Variants in CTTN observed in about 807,000 individuals in gnomAD.
CTTN encodes the protein src substrate cortactin.
Under a neutral mutation model 84.0 loss-of-function variants are expected in CTTN, and 28 were observed. The observed-to-expected ratio is 0.33, with a 90% CI of 0.25 to 0.46. CTTN has a LOEUF of 0.46. CTTN is among the 20% of genes least tolerant of loss of function. The probability of loss-of-function intolerance (pLI) is 1.00; values close to 1 mark genes in which losing one functional copy is unlikely to be tolerated. For synonymous variants in CTTN, 301 were observed against 288.8 expected (o/e 1.04, Z -0.43); for missense variants, 641 against 723.8 (o/e 0.89, Z 1.31).
chr11:70,431,411 G>A (rs573687929), intron 15 of CTTN, 131 bp downstream of exon 15: 11 of 949,688 alleles, frequency 1.2e-5, no homozygotes, highest in African/African-American at 4.8e-5. Flanking sequence ...TGCATTCCAC[G>A]CCCGGAGAGG....
chr11:70,411,393 CGG>C (rs2058095069), intron 5 of CTTN, among the ~76,000 whole-genome samples: 1 of 126,764 alleles, frequency 7.9e-6, no homozygotes, highest in African/African-American at 3.7e-5. Flanking sequence ...CGTGTGCACA[CGG>C]ACAGACGGAA....
intron 7 of CTTN, among the ~76,000 whole-genome samples, chr11:70,416,566 G>A (rs1048574174): frequency 6.6e-6 from 1 of 151,966 alleles, no homozygotes; most frequent in African/African-American, 2.4e-5. Context: ...CAAGTAGCTG[G>A]GATTACAGGT....
intron 7 of CTTN, 102 bp downstream of exon 7, chr11:70,415,819 G>A (rs1470651654): frequency 8.5e-7 from 1 of 1,170,404 alleles, no homozygotes; most frequent in African/African-American, 1.5e-5. Flanking sequence ...GCCCTGATGG[G>A]GAGAGTCACA....
intron 1 of CTTN, among the ~76,000 whole-genome samples, chr11:70,404,296 G>A (rs190903421): frequency 8.5e-5 from 13 of 152,286 alleles, no homozygotes; most frequent in African/African-American, 2.9e-4. Context: ...AGGGACAAGG[G>A]GATTTCATTC....
Position 70,435,424 on chromosome 11 carries a change from G to GTTTTTTTTTTT in CTTN, c.*272_*273insTTTTTTTTTTT. On this transcript the variant is annotated 3_prime_UTR_variant, in exon 18 of 18. Coordinates refer to ENST00000301843, the MANE Select transcript of CTTN (RefSeq NM_005231.4). ...TGGTAATTGGTTTTATGCATTGATG[G>GTTTTTTTTTTT]TTTTTTTTTTCTTTTTTGCCAAATT... The GTTTTTTTTTTT allele has an allele frequency of 7.2e-7, 1 of 1,381,482 alleles. No homozygotes were observed. The highest frequency in any genetic ancestry group is 9.6e-7 in the Non-Finnish European group (1 of 1,042,820). The allele number at this position is 1,381,482 out of a possible 1,614,324, so 85.6% of individuals were successfully genotyped here.
intron 14 of CTTN, among the ~76,000 whole-genome samples, chr11:70,429,444 C>T (rs1211060288): frequency 2.6e-5 from 4 of 152,222 alleles, no homozygotes; most frequent in African/African-American, 9.6e-5. Flanking sequence ...GGTCCAGCCC[C>T]AGGACCCGCC....
intron 13 of CTTN, among the ~76,000 whole-genome samples, chr11:70,426,946 G>A (rs1465247361): frequency 1.3e-5 from 2 of 151,962 alleles, no homozygotes; most frequent in Non-Finnish European, 2.9e-5. Flanking sequence ...GTGTTGCCCA[G>A]GCTGGTCTTG....
chr11:70,420,121 C>G, intron 9 of CTTN: 1 of 597,608 alleles, frequency 1.7e-6, no homozygotes, highest in Non-Finnish European at 3.0e-6. Flanking sequence ...CCGTGTGAGC[C>G]TGTGCTGTCT....
intron 8 of CTTN, among the ~76,000 whole-genome samples, chr11:70,418,378 A>T (rs2058188189): frequency 6.6e-6 from 1 of 152,242 alleles, no homozygotes; most frequent in South Asian, 2.1e-4. Context: ...TGAGCAGCGC[A>T]TGCTCCGCGA....
At chr11:70,412,927 C>T (rs1011225506) in intron 5 of CTTN, among the ~76,000 whole-genome samples, 2 of 152,234 alleles carry the variant, frequency 1.3e-5, no homozygotes, top group South Asian at 2.1e-4. Flanking sequence ...CTGTAACTTC[C>T]TTCTGATGAA....
chr11:70,430,420 C>T (rs1424822522), intron 14 of CTTN, among the ~76,000 whole-genome samples: 1 of 152,230 alleles, frequency 6.6e-6, no homozygotes, highest in Non-Finnish European at 1.5e-5. Context: ...GGGCTGTGTT[C>T]CTCCTGGTGG....
chr11:70,404,875 G>A (rs1360654557), intron 1 of CTTN, among the ~76,000 whole-genome samples: 1 of 152,196 alleles, frequency 6.6e-6, no homozygotes, highest in Non-Finnish European at 1.5e-5. Context: ...GGTGGCGCCT[G>A]CCTGTAATCC....
chr11:70,429,235 C>A, intron 14 of CTTN, 36 bp downstream of exon 14: 1 of 1,591,566 alleles, frequency 6.3e-7, no homozygotes, highest in South Asian at 1.1e-5. Context: ...CGCACCCTCC[C>A]TGGGACCTGT....
Position 70,418,835 on chromosome 11 carries a change from G to A in CTTN, c.569-911G>A, listed in dbSNP as rs541680109. The stretch of plus-strand genomic sequence containing the variant: ...CTCTCTCGCCAGGCTGGAGTGCAGT[G>A]GTGCGATCTCAGCTCAGTGCAACCT... On this transcript the variant is annotated intron_variant, in intron 8 of 17. Transcript: ENST00000301843. Among the ~76,000 whole-genome samples, 34 of 149,002 alleles carry A rather than the reference G, an allele frequency of 2.3e-4. No homozygotes were observed. The South Asian group carries it at 3.2e-3, about 14-fold the overall frequency.
In CTTN at chr11:70,428,406, C is replaced by T. The variant is rs181379590; in HGVS notation, c.1028-645C>T. Among the ~76,000 whole-genome samples, 66 of 152,138 alleles carry T rather than the reference C, an allele frequency of 4.3e-4. No individual in the cohort carries two copies. In the East Asian group the frequency reaches 0.01, roughly 23 times the overall value. On this transcript the variant is annotated intron_variant, in intron 13 of 17. Coordinates refer to ENST00000301843, the MANE Select transcript of CTTN (RefSeq NM_005231.4). ...GTCTTGATCTCTTGACCTCGTGATC[C>T]GCCCACCTTAGCCTCCCAAAGTGCT...
chr11:70,428,153 C>CTTTTTT (rs60189081), intron 13 of CTTN, among the ~76,000 whole-genome samples: 1 of 62,538 alleles, frequency 1.6e-5, no homozygotes, highest in East Asian at 6.0e-4. Context: ...TGTCTTCCCA[C>CTTTTTT]TTTTTTTTTT....
chr11:70,417,886 G>A (rs1315618339), intron 8 of CTTN, among the ~76,000 whole-genome samples: 1 of 152,178 alleles, frequency 6.6e-6, no homozygotes, highest in Non-Finnish European at 1.5e-5. Context: ...GAATTGCTGG[G>A]TCGAAGGCTA....
chr11:70,420,089 A>G, intron 9 of CTTN: 3 of 598,994 alleles, frequency 5.0e-6, no homozygotes, highest in East Asian at 2.8e-5. Context: ...CGTGGTGGCC[A>G]CACCCCGCAC....
intron 1 of CTTN, 124 bp from the exon 2 acceptor site, chr11:70,405,140 CA>C (rs2058028253): frequency 1.3e-5 from 2 of 152,312 alleles, no homozygotes; most frequent in African/African-American, 4.8e-5. Context: ...GATTTCATTA[CA>C]AAACCTTGTT....
Sources: gnomAD v4.1 joint callset for allele counts (sites outside exome capture counted in the v4.1 genomes callset) on GRCh38, gnomAD v4.1.1 for gene constraint, MANE v1.5 for transcripts, NCBI Gene and HGNC (gene_info 2026-07-23, HGNC 2026-07-21) for gene names.